Variants in ARHGAP42 observed in about 807,000 individuals in gnomAD.
The protein encoded by ARHGAP42 is Rho GTPase activating protein 42.
In ARHGAP42, 63 loss-of-function variants were observed where a neutral mutation model predicts 125.0. That is an observed-to-expected ratio of 0.50 (90% CI 0.41 to 0.62). ARHGAP42 has a LOEUF of 0.62. Among genes scored for constraint, ARHGAP42 ranks in the 20% least tolerant of loss-of-function variants. The pLI, the probability that ARHGAP42 is intolerant of heterozygous loss-of-function variation, is 0.00. For synonymous variants in ARHGAP42, 339 were observed against 351.0 expected (o/e 0.97, Z 0.38); for missense variants, 766 against 1,024.2 (o/e 0.75, Z 3.44).
intron 10 of ARHGAP42, among the ~76,000 whole-genome samples, chr11:100,944,812 G>C (rs947577292): frequency 2.0e-5 from 3 of 151,922 alleles, no homozygotes; most frequent in African/African-American, 7.2e-5. Flanking sequence ...TTTTTTGCTG[G>C]TGAAGGATCT....
rs17647207 is a variant in ARHGAP42 at position 100,949,932 on chromosome 11, G to A, written c.1138G>A (p.Ala380Thr). ...TGTTTTTTAGATTTATACTCTGCCT[G>A]CCATTATAAGCAAGAAAGAAGAAAG... ...DGKEPIYTLP[A>T]IISKKEEMYL... The change falls in exon 12 of 24, where the codon GCC becomes ACC. Residue 380 changes from alanine (A) to threonine (T), a missense_variant. By Grantham distance (58) the Ala-to-Thr change is moderately conservative. Around this residue, in one of 3 missense-constraint regions of ARHGAP42, gnomAD observed 455 missense variants for 636.5 expected, o/e 0.71. Transcript: ENST00000298815. 106,893 of 1,463,466 alleles carry A rather than the reference G, an allele frequency of 0.073. 4,852 individuals carry two copies. Among genetic ancestry groups the A allele is most frequent in the Middle Eastern group, 0.088 (502 of 5,674 alleles). 90.7% of individuals were successfully genotyped at this position (1,463,466 alleles called of 1,614,324 possible). A position where few individuals can be genotyped will look rare whatever the true frequency, so the allele number is the denominator to read the frequency against.
At chr11:100,688,904 C>T (rs139412105) in intron 1 of ARHGAP42, among the ~76,000 whole-genome samples, 9 of 152,178 alleles carry the variant, frequency 5.9e-5, no homozygotes, top group Admixed American at 1.3e-4. Context: ...TTTGGGTGAT[C>T]TAGTTACCCC....
At chr11:100,858,758 T>C (rs976029426) in intron 3 of ARHGAP42, among the ~76,000 whole-genome samples, 11 of 152,264 alleles carry the variant, frequency 7.2e-5, no homozygotes, top group Non-Finnish European at 1.3e-4. Context: ...GTCATAGTGG[T>C]AGAACAAATT....
chr11:100,845,261 ACAT>A (rs1423460109), intron 3 of ARHGAP42, among the ~76,000 whole-genome samples: 2 of 152,114 alleles, frequency 1.3e-5, no homozygotes, highest in East Asian at 3.9e-4. Flanking sequence ...GGAAAATCAA[ACAT>A]CATATAATCT....
At chr11:100,817,638 G>C (rs959883379) in intron 3 of ARHGAP42, among the ~76,000 whole-genome samples, 3 of 152,064 alleles carry the variant, frequency 2.0e-5, no homozygotes, top group Non-Finnish European at 4.4e-5. Flanking sequence ...TAACATCTCC[G>C]TATAAGCCAG....
rs576114795 is a variant in ARHGAP42 at position 100,765,743 on chromosome 11, G to A, written c.155-4600G>A. 2.0e-5 allele frequency among the ~76,000 whole-genome samples: 3 copies of A among 152,248 alleles called. No individual in the cohort carries two copies. In the South Asian group the frequency reaches 6.2e-4, roughly 32 times the overall value. On this transcript the variant is annotated intron_variant, in intron 1 of 23. Transcript: ENST00000298815. ...CTTTATTATGTCTGCCTTCTGCATGGTTGTGAAAAGATGATAATTCTGCAA... is the reference window on the plus strand; with the variant it reads ...CTTTATTATGTCTGCCTTCTGCATGATTGTGAAAAGATGATAATTCTGCAA...
chr11:100,768,410 TTAG>T (rs998986246), intron 1 of ARHGAP42, among the ~76,000 whole-genome samples: 3 of 152,150 alleles, frequency 2.0e-5, no homozygotes, highest in African/African-American at 7.2e-5. Context: ...CTAGACTGAC[TTAG>T]TAGAATCCTT....
At chr11:100,963,737 T>C (rs1306752947) in intron 16 of ARHGAP42, among the ~76,000 whole-genome samples, 2 of 152,222 alleles carry the variant, frequency 1.3e-5, no homozygotes, top group African/African-American at 4.8e-5. Context: ...CCTCTCATTC[T>C]ATGAACTAGG....
chr11:100,751,764 G>A (rs1028643285), intron 1 of ARHGAP42, among the ~76,000 whole-genome samples: 5 of 137,126 alleles, frequency 3.6e-5, no homozygotes, highest in African/African-American at 1.1e-4. Flanking sequence ...ATTCAGATCA[G>A]ACAGGCACCT....
chr11:100,698,404 C>T (rs1024913210), intron 1 of ARHGAP42, among the ~76,000 whole-genome samples: 7 of 152,030 alleles, frequency 4.6e-5, no homozygotes, highest in African/African-American at 1.4e-4. Flanking sequence ...CCAGGAGGTC[C>T]GCGCTGCAGT....
intron 4 of ARHGAP42, among the ~76,000 whole-genome samples, chr11:100,877,034 G>GAAAA (rs1207457042): frequency 6.6e-6 from 1 of 152,198 alleles, no homozygotes; most frequent in Non-Finnish European, 1.5e-5. Flanking sequence ...TTCAGGCATT[G>GAAAA]AAAAAACTTG....
At chr11:100,920,874 G>T (rs1053707910) in intron 5 of ARHGAP42, among the ~76,000 whole-genome samples, 3 of 151,702 alleles carry the variant, frequency 2.0e-5, no homozygotes, top group African/African-American at 7.3e-5. Context: ...ACCTAATGAG[G>T]TGGCTCTCCT....
intron 6 of ARHGAP42, among the ~76,000 whole-genome samples, chr11:100,928,708 A>T (rs1007006104): frequency 1.3e-5 from 2 of 152,174 alleles, no homozygotes; most frequent in African/African-American, 4.8e-5. Flanking sequence ...ACCACAAAAA[A>T]ATTTAAAGCA....
At chr11:100,913,925 A>ACATTT (rs1414817903) in intron 5 of ARHGAP42, among the ~76,000 whole-genome samples, 3 of 152,072 alleles carry the variant, frequency 2.0e-5, no homozygotes, top group Admixed American at 2.0e-4. Context: ...ACACAGCTAC[A>ACATTT]CATTTTATTT....
intron 3 of ARHGAP42, among the ~76,000 whole-genome samples, chr11:100,832,047 G>A (rs763576996): frequency 1.6e-4 from 25 of 152,214 alleles, no homozygotes; most frequent in Admixed American, 2.6e-4. Flanking sequence ...TGTGCAGCAC[G>A]TGTGTGCTGG....
chr11:100,715,529 G>A (rs1205864243), intron 1 of ARHGAP42, among the ~76,000 whole-genome samples: 1 of 152,156 alleles, frequency 6.6e-6, no homozygotes, highest in African/African-American at 2.4e-5. Context: ...CTGTCTGTGA[G>A]TAATAAAGTT....
At chr11:100,933,825 T>G (rs1384024903) in intron 7 of ARHGAP42, among the ~76,000 whole-genome samples, 1 of 152,122 alleles carries the variant, frequency 6.6e-6, no homozygotes, top group Non-Finnish European at 1.5e-5. Flanking sequence ...GCTTCGCTCG[T>G]CACCCAGGCT....
intron 2 of ARHGAP42, among the ~76,000 whole-genome samples, chr11:100,782,163 C>G (rs1456794525): frequency 6.6e-6 from 1 of 152,070 alleles, no homozygotes; most frequent in East Asian, 1.9e-4. Context: ...GAAGACTTTG[C>G]TATGTAGTCT....
intron 1 of ARHGAP42, among the ~76,000 whole-genome samples, chr11:100,689,884 T>G (rs1861157946): frequency 6.6e-6 from 1 of 152,164 alleles, no homozygotes. Context: ...TAGCACTGAT[T>G]TTTTTCGTAC....
Sources: allele counts gnomAD v4.1 joint callset (sites outside exome capture counted in the v4.1 genomes callset), GRCh38; gene constraint gnomAD v4.1.1; regional missense constraint gnomAD v4.1.1; transcripts MANE v1.5; gene names NCBI Gene and HGNC (gene_info 2026-07-23, HGNC 2026-07-21).